ASS1: variants seen among roughly 807,000 people sequenced by gnomAD.
The protein encoded by ASS1 is argininosuccinate synthase 1.
ASS1 carries 58 observed loss-of-function variants against 60.5 expected under a neutral mutation model. The observed-to-expected ratio is 0.96, with a 90% CI of 0.78 to 1.19. The LOEUF is 1.19. Ranked by LOEUF, ASS1 falls within the 50% of genes most tolerant of loss-of-function variation. The pLI is 0.00. For missense variants in ASS1, 454 were observed against 547.3 expected, an observed-to-expected ratio of 0.83 and a Z score of 1.70; for synonymous variants, 200 against 206.9, an observed-to-expected ratio of 0.97 and a Z score of 0.29.
intron 11 of ASS1, among the ~76,000 whole-genome samples, chr9:130,485,505 G>A (rs474330): frequency 0.33 from 50,898 of 151,968 alleles, 9,021 homozygotes; most frequent in East Asian, 0.56. Flanking sequence ...TGCAAATGTA[G>A]TTTGGACTGC....
Position 130,501,262 on chromosome 9 carries a change from T to C in ASS1, c.*241T>C. The C allele has an allele frequency of 1.9e-6, 1 of 524,364 alleles. No homozygotes were observed. The highest frequency in any genetic ancestry group is 3.4e-6 in the Non-Finnish European group (1 of 291,936). 32.5% of individuals were successfully genotyped at this position (524,364 alleles called of 1,614,324 possible). A position where few individuals can be genotyped will look rare whatever the true frequency, so the allele number is the denominator to read the frequency against. On this transcript the variant is annotated 3_prime_UTR_variant, in exon 15 of 15. Transcript: ENST00000352480. Reference sequence around the variant, plus strand: ...AAATGACAATTAAAAGAGACACTAGTCTTTTATTTCTAGTGAGTGTGTGTG... The same window carrying C: ...AAATGACAATTAAAAGAGACACTAGCCTTTTATTTCTAGTGAGTGTGTGTG...
At position 130,476,255 on chromosome 9, in the gene ASS1, G is replaced by A. The variant is rs1846015952; in HGVS notation, c.598-616G>A. On this transcript the variant is annotated intron_variant, in intron 8 of 14. Transcript: ENST00000352480. The surrounding 1 kb of genome is among the most constrained non-coding windows in gnomAD (Gnocchi z 4.9). ...CCGAAGGTGGGAGGGAATTTCGAGAGTTTCAGGCAACACGCAGCCCCTCCA... is the reference window on the plus strand; with the variant it reads ...CCGAAGGTGGGAGGGAATTTCGAGAATTTCAGGCAACACGCAGCCCCTCCA... 6.5e-6 allele frequency: 1 copy of A among 154,458 alleles called. No homozygotes were observed. Among genetic ancestry groups the A allele is most frequent in the Non-Finnish European group, 1.4e-5 (1 of 69,554 alleles). 9.6% of individuals were successfully genotyped at this position (154,458 alleles called of 1,614,324 possible). A position where few individuals can be genotyped will look rare whatever the true frequency, so the allele number is the denominator to read the frequency against.
chr9:130,497,212 GT>G lies in ASS1; in HGVS notation c.1127+2190del, dbSNP rs529947688. 1.0e-3 allele frequency among the ~76,000 whole-genome samples: 157 copies of G among 152,194 alleles called. 1 individual carries two copies. Among genetic ancestry groups the G allele is most frequent in the African/African-American group, 3.7e-3 (152 of 41,518 alleles). On this transcript the variant is annotated intron_variant, in intron 13 of 14. Transcript: ENST00000352480. The stretch of plus-strand genomic sequence containing the variant: ...CACTCAGGGAGATTAAATGAATAAA[GT>G]AAAAAGGGAAAGGGGAAAAAAGAGA...
intron 11 of ASS1, among the ~76,000 whole-genome samples, chr9:130,481,000 T>A (rs1289351628): frequency 6.6e-6 from 1 of 152,254 alleles, no homozygotes; most frequent in Non-Finnish European, 1.5e-5. Context: ...CAGTTGAGGC[T>A]GAGCTTCAGT....
At chr9:130,499,142 C>G (rs1425219447) in intron 13 of ASS1, among the ~76,000 whole-genome samples, 2 of 152,206 alleles carry the variant, frequency 1.3e-5, no homozygotes, top group East Asian at 3.9e-4. Context: ...TCCACACAGT[C>G]CCAAGGGCAC....
chr9:130,492,944 GGT>G (rs1846484223), intron 12 of ASS1, among the ~76,000 whole-genome samples: 1 of 152,178 alleles, frequency 6.6e-6, no homozygotes, highest in African/African-American at 2.4e-5. Flanking sequence ...GTGGGGCAGA[GGT>G]AGAAAATTCT....
At chr9:130,466,539 G>A (rs1265110974) in intron 5 of ASS1, 186 bp from the exon 6 acceptor site, 1 of 650,750 alleles carries the variant, frequency 1.5e-6, no homozygotes, top group Admixed American at 2.3e-5. Flanking sequence ...GCCAGCCCCG[G>A]TGAGGGAGTC....
Position 130,457,168 on chromosome 9 carries a change from G to A in ASS1, c.175-1233G>A, listed in dbSNP as rs1215988. 0.33 allele frequency among the ~76,000 whole-genome samples: 50,674 copies of A among 152,034 alleles called. 10,473 individuals carry two copies. The highest frequency in any genetic ancestry group is 0.6 in the East Asian group (3,128 of 5,172). ...CAGAAAACAGATGGACTCTTGTAGCGGTTTTCTGCATTCACTTGTTTTTTC... is the reference window on the plus strand; with the variant it reads ...CAGAAAACAGATGGACTCTTGTAGCAGTTTTCTGCATTCACTTGTTTTTTC... On this transcript the variant is annotated intron_variant, in intron 3 of 14. Coordinates refer to ENST00000352480, the MANE Select transcript of ASS1 (RefSeq NM_054012.4).
In ASS1 at chr9:130,491,251, AC is replaced by A. The variant is rs1416794641; in HGVS notation, c.970+1791del. ...GGCTTTCCAGCCCGGCGGGATTGCG[AC>A]CCCGAAAGGAGGATTTTAGTTACAA... On this transcript the variant is annotated intron_variant, in intron 12 of 14. Transcript: ENST00000352480. This position sits in a 1 kb window ranked among gnomAD's most constrained non-coding sequence, Gnocchi z 5.3. 1.3e-5 allele frequency among the ~76,000 whole-genome samples: 2 copies of A among 151,938 alleles called. No individual in the cohort carries two copies. Among genetic ancestry groups the A allele is most frequent in the East Asian group, 3.9e-4 (2 of 5,150 alleles).
intron 11 of ASS1, among the ~76,000 whole-genome samples, chr9:130,484,839 G>A (rs977963020): frequency 1.1e-4 from 17 of 151,930 alleles, no homozygotes; most frequent in Non-Finnish European, 8.8e-5. Flanking sequence ...ACGTGCGCGC[G>A]CGCGCGTCGG....
At chr9:130,472,843 A>G (rs1845903166) in intron 8 of ASS1, among the ~76,000 whole-genome samples, 1 of 152,180 alleles carries the variant, frequency 6.6e-6, no homozygotes, top group African/African-American at 2.4e-5. Flanking sequence ...GTGGGCCCCA[A>G]GCATGCTGGG....
At chr9:130,464,245 G>T in intron 5 of ASS1, 78 bp downstream of exon 5, 1 of 1,534,262 alleles carries the variant, frequency 6.5e-7, no homozygotes. Context: ...CAGGGTTCTG[G>T]GAGATTCCAC....
chr9:130,470,992 C>T lies in ASS1; in HGVS notation c.566+88C>T, dbSNP rs493389. ...CTGCCCCAGGACGTCCTGGTGACCC[C>T]CACACCAGTGGTCCCTGCCCTCGGG... On this transcript the variant is annotated intron_variant, in intron 7 of 14. Transcript: ENST00000352480. The surrounding 1 kb of genome is among the most constrained non-coding windows in gnomAD (Gnocchi z 4.3). 1,090,835 of 1,460,262 alleles carry T rather than the reference C, an allele frequency of 0.75. 421,228 individuals carry two copies. The highest frequency in any genetic ancestry group is 0.97 in the East Asian group (42,730 of 44,074). 90.5% of individuals were successfully genotyped at this position (1,460,262 alleles called of 1,614,324 possible).
At position 130,476,112 on chromosome 9, in the gene ASS1, G is replaced by A. The variant is rs922161353; in HGVS notation, c.598-759G>A. Among the ~76,000 whole-genome samples, 1 of 152,162 alleles carries A rather than the reference G, an allele frequency of 6.6e-6. No individual in the cohort carries two copies. The highest frequency in any genetic ancestry group is 2.4e-5 in the African/African-American group (1 of 41,426). ...GACAGCAGTTCCTGGATGTCAGCAG[G>A]TGAACAAGGACCCCAGGCACAGGAT... On this transcript the variant is annotated intron_variant, in intron 8 of 14. Coordinates refer to ENST00000352480, the MANE Select transcript of ASS1 (RefSeq NM_054012.4). This position sits in a 1 kb window ranked among gnomAD's most constrained non-coding sequence, Gnocchi z 4.9.
chr9:130,468,557 G>A (rs502901), intron 6 of ASS1, among the ~76,000 whole-genome samples: 127,269 of 152,170 alleles, frequency 0.84, 57,874 homozygotes, highest in East Asian at 1. Context: ...AACTACAAAC[G>A]TGCCCTAGTA....
chr9:130,480,478 T>G lies in ASS1; in HGVS notation c.838+29T>G, dbSNP rs778946979. ...AGTCTGCTCAGCCTCCCTCAGGGCC[T>G]GCCTCGGGACCCAGCAAACCCAGAG... On this transcript the variant is annotated intron_variant, in intron 11 of 14. Coordinates refer to ENST00000352480, the MANE Select transcript of ASS1 (RefSeq NM_054012.4). 7 of 1,611,258 alleles carry G rather than the reference T, an allele frequency of 4.3e-6. No individual in the cohort carries two copies. The African/African-American group carries it at 6.7e-5, about 15-fold the overall frequency.
rs1039296935 is a variant in ASS1 at position 130,470,713 on chromosome 9, C to T, written c.496-121C>T. 137 of 973,998 alleles carry T rather than the reference C, an allele frequency of 1.4e-4. 1 individual carries two copies. In the Admixed American group the frequency reaches 2.3e-3, roughly 16 times the overall value. The allele number at this position is 973,998 out of a possible 1,614,324, so 60.3% of individuals were successfully genotyped here. ...ACCGTGACCAACACTAGGAGGTAGCCAGGGTCTTGTCTGAATGGGGGCCAG... is the reference window on the plus strand; with the variant it reads ...ACCGTGACCAACACTAGGAGGTAGCTAGGGTCTTGTCTGAATGGGGGCCAG... On this transcript the variant is annotated intron_variant, in intron 6 of 14. Coordinates refer to ENST00000352480, the MANE Select transcript of ASS1 (RefSeq NM_054012.4). The surrounding 1 kb of genome is among the most constrained non-coding windows in gnomAD (Gnocchi z 4.3).
rs758909338 is a variant in ASS1 at position 130,494,512 on chromosome 9, T to A, written c.971-355T>A. ...CCTCCCCCGGAGATTAGAGCCTCCA[T>A]TGGGCCAGGGATGGGGTCCCTTTAC... On this transcript the variant is annotated intron_variant, in intron 12 of 14. Coordinates refer to ENST00000352480, the MANE Select transcript of ASS1 (RefSeq NM_054012.4). This position sits in a 1 kb window ranked among gnomAD's most constrained non-coding sequence, Gnocchi z 4.3. Among the ~76,000 whole-genome samples the A allele has an allele frequency of 1.3e-5, 2 of 152,232 alleles. No individual in the cohort carries two copies. Among genetic ancestry groups the A allele is most frequent in the Non-Finnish European group, 2.9e-5 (2 of 68,030 alleles).
intron 11 of ASS1, among the ~76,000 whole-genome samples, chr9:130,486,321 G>A (rs1846305807): frequency 6.6e-6 from 1 of 152,094 alleles, no homozygotes; most frequent in Non-Finnish European, 1.5e-5. Flanking sequence ...CTTGGACTCA[G>A]CTCAAGCAAT....
Sources: gnomAD v4.1 joint callset for allele counts (sites outside exome capture counted in the v4.1 genomes callset) on GRCh38, gnomAD v4.1.1 for gene constraint, Gnocchi (gnomAD v3.1) non-coding constraint, MANE v1.5 for transcripts, NCBI Gene and HGNC (gene_info 2026-07-23, HGNC 2026-07-21) for gene names.